TCAIM: variants seen among roughly 807,000 people sequenced by gnomAD.
TCAIM encodes T-cell activation inhibitor, mitochondrial.
A neutral mutation model predicts 58.6 loss-of-function variants in TCAIM; 36 were observed. The observed-to-expected ratio is 0.61, with a 90% CI of 0.47 to 0.81. The LOEUF is 0.81. Among genes scored for constraint, TCAIM ranks in the 30% least tolerant of loss-of-function variants. The pLI is 0.00. For synonymous variants in TCAIM, 172 were observed against 193.6 expected (o/e 0.89, Z 0.93); for missense variants, 466 against 579.6 (o/e 0.80, Z 2.01).
rs143514455 is a variant in TCAIM, at chr3:44,344,999, G to A, written c.-45+6165G>A. 5.3e-3 allele frequency among the ~76,000 whole-genome samples: 812 copies of A among 152,216 alleles called. 7 individuals are homozygous for A. Among genetic ancestry groups the A allele is most frequent in the African/African-American group, 0.019 (777 of 41,538 alleles). ...TACTTCAGGCCATCTGGATGTATAC[G>A]TTCAGGCTTGGGCTCAGAGGCCTGA... On this transcript the variant is annotated intron_variant, in intron 1 of 10. Transcript: ENST00000342649.
intron 5 of TCAIM, among the ~76,000 whole-genome samples, chr3:44,386,486 C>T (rs1486057919): frequency 6.6e-6 from 1 of 152,224 alleles, no homozygotes; most frequent in Non-Finnish European, 1.5e-5. Context: ...GAGCCCCATG[C>T]TCCCTGGTGC....
chr3:44,345,399 A>G (rs568066303), intron 1 of TCAIM, among the ~76,000 whole-genome samples: 2 of 152,318 alleles, frequency 1.3e-5, no homozygotes, highest in South Asian at 2.1e-4. Flanking sequence ...AGAGTGCCCA[A>G]GGGGGTTCAG....
Position 44,409,343 on chromosome 3 carries a change from T to G in TCAIM, c.*1661T>G, listed in dbSNP as rs1702146852. 1 of 152,224 alleles carries G rather than the reference T, an allele frequency of 6.6e-6. No individual in the cohort carries two copies. The allele number at this position is 152,224 out of a possible 1,614,324, so 9.4% of individuals were successfully genotyped here. On this transcript the variant is annotated 3_prime_UTR_variant, in exon 11 of 11. Transcript: ENST00000342649. ...AGAAAATATATTAGAAAATCAGCTTTGGATTATACGATTTCTAAAATATAC... is the reference window on the plus strand; with the variant it reads ...AGAAAATATATTAGAAAATCAGCTTGGGATTATACGATTTCTAAAATATAC...
chr3:44,373,129 A>C (rs1434973976), intron 5 of TCAIM, among the ~76,000 whole-genome samples: 1 of 149,580 alleles, frequency 6.7e-6, no homozygotes, highest in Non-Finnish European at 1.5e-5. Flanking sequence ...TTTTATTTTT[A>C]TTTTTAAATA....
intron 5 of TCAIM, among the ~76,000 whole-genome samples, chr3:44,373,247 A>T (rs1371466086): frequency 1.3e-5 from 2 of 152,136 alleles, no homozygotes; most frequent in African/African-American, 4.8e-5. Context: ...CCACTTTTAT[A>T]TTATATCCAT....
intron 1 of TCAIM, among the ~76,000 whole-genome samples, chr3:44,350,437 C>T (rs544133376): frequency 8.2e-5 from 12 of 145,796 alleles, no homozygotes; most frequent in Admixed American, 6.2e-4. Context: ...CATTTTCTTT[C>T]TTTTTTTTTT....
At chr3:44,380,599 ATAAAC>A (rs1383101443) in intron 5 of TCAIM, among the ~76,000 whole-genome samples, 3 of 152,162 alleles carry the variant, frequency 2.0e-5, no homozygotes, top group Admixed American at 6.6e-5. Context: ...AGAAAAAAGA[ATAAAC>A]TAAACCCAAA....
intron 1 of TCAIM, chr3:44,340,378 A>C (rs1700832155): frequency 6.6e-6 from 1 of 152,212 alleles, no homozygotes; most frequent in Non-Finnish European, 1.5e-5. Context: ...TTCTGTTCTT[A>C]CAAGGTTGAA....
chr3:44,367,814 C>G (rs1701405690), intron 5 of TCAIM, 106 bp downstream of exon 5: 1 of 1,170,142 alleles, frequency 8.5e-7, no homozygotes, highest in Non-Finnish European at 1.2e-6. Flanking sequence ...AAGTGTAGTT[C>G]ACATTTAAAA....
At chr3:44,403,999 CCTTG>C (rs1314229708) in intron 10 of TCAIM, among the ~76,000 whole-genome samples, 1 of 152,188 alleles carries the variant, frequency 6.6e-6, no homozygotes, top group African/African-American at 2.4e-5. Context: ...CTGCCCACTC[CCTTG>C]CTTCTCTCAG....
chr3:44,356,670 A>C (rs1409438287), intron 2 of TCAIM, among the ~76,000 whole-genome samples: 1 of 152,030 alleles, frequency 6.6e-6, no homozygotes, highest in Non-Finnish European at 1.5e-5. Flanking sequence ...AAAACTTAAG[A>C]ATGAGAATAT....
In TCAIM at chr3:44,407,484, G is replaced by A. The variant is rs1424348726; in HGVS notation, c.1293G>A (p.Lys431=). The part of the protein sequence containing the change: ...IENELIQAST[K]KFSLEKLYKE... ...ATGAATTGATACAGGCATCAACAAA[G>A]AAATTTTCTTTGGAGAAGTTATATA... The change falls in exon 11 of 11, where the codon AAG becomes AAA. Residue 431 remains lysine, a synonymous_variant. Coordinates refer to ENST00000342649, the MANE Select transcript of TCAIM (RefSeq NM_173826.4). 6.2e-7 allele frequency: 1 copy of A among 1,609,106 alleles called. No individual in the cohort carries two copies. Among genetic ancestry groups the A allele is most frequent in the South Asian group, 1.1e-5 (1 of 90,606 alleles).
intron 5 of TCAIM, among the ~76,000 whole-genome samples, chr3:44,385,046 T>C (rs552567003): frequency 1.3e-5 from 2 of 152,320 alleles, no homozygotes; most frequent in East Asian, 3.9e-4. Context: ...AATGTATTTG[T>C]CCTGGAGAGC....
intron 4 of TCAIM, among the ~76,000 whole-genome samples, chr3:44,365,653 C>G (rs1559567707): frequency 6.6e-6 from 1 of 152,202 alleles, no homozygotes; most frequent in South Asian, 2.1e-4. Context: ...CATACAAGCA[C>G]ATAGACGGAA....
intron 6 of TCAIM, 134 bp downstream of exon 6, chr3:44,393,111 C>A: frequency 1.4e-6 from 1 of 737,252 alleles, no homozygotes; most frequent in Non-Finnish European, 2.3e-6. Flanking sequence ...TCTTTATGAA[C>A]ATCATGAAAT....
chr3:44,358,955 A>T (rs897701785), intron 3 of TCAIM: 23 of 985,260 alleles, frequency 2.3e-5, no homozygotes, highest in Non-Finnish European at 2.8e-5. Flanking sequence ...TTTTCAAAGT[A>T]ATCAGTAAAT....
chr3:44,357,837 A>G lies in TCAIM; in HGVS notation c.126A>G (p.Ala42=). ...AVNALRPFYF[A]VHPDFFGQHP... ...ATGCCTTGAGGCCTTTCTATTTTGC[A>G]GTACATCCAGATTTCTTTGGACAGC... The change falls in exon 3 of 11, where the codon GCA becomes GCG. Residue 42 remains alanine, a synonymous_variant. Coordinates refer to ENST00000342649, the MANE Select transcript of TCAIM (RefSeq NM_173826.4). The G allele has an allele frequency of 1.2e-6, 2 of 1,614,164 alleles. No homozygotes were observed. Among genetic ancestry groups the G allele is most frequent in the African/African-American group, 1.3e-5 (1 of 75,062 alleles).
intron 1 of TCAIM, among the ~76,000 whole-genome samples, chr3:44,347,811 T>G (rs568318221): frequency 8.6e-5 from 13 of 151,924 alleles, no homozygotes; most frequent in African/African-American, 3.1e-4. Flanking sequence ...TTTAATGGGA[T>G]GGTAAGGGGG....
intron 8 of TCAIM, among the ~76,000 whole-genome samples, chr3:44,398,269 A>T (rs984590667): frequency 2.6e-5 from 4 of 151,380 alleles, no homozygotes; most frequent in Admixed American, 6.6e-5. Context: ...ACTAAAAATT[A>T]AAAAAAAATA....
Sources: allele counts gnomAD v4.1 joint callset (sites outside exome capture counted in the v4.1 genomes callset), GRCh38; gene constraint gnomAD v4.1.1; transcripts MANE v1.5; gene names NCBI Gene and HGNC (gene_info 2026-07-23, HGNC 2026-07-21).